CDC16: variants seen among roughly 807,000 people sequenced by gnomAD.
CDC16 encodes the protein cell division cycle 16.
CDC16 carries 34 observed loss-of-function variants against 87.0 expected under a neutral mutation model. The observed-to-expected ratio is 0.39, with a 90% CI of 0.30 to 0.52. The LOEUF (loss-of-function observed/expected upper bound fraction) is 0.52, where lower values mean the gene tolerates loss of function less well. Ranked by LOEUF, CDC16 falls within the 20% of genes least tolerant of loss-of-function variation. CDC16 has a pLI of 0.74. For synonymous variants in CDC16, 263 were observed against 260.6 expected (o/e 1.01, Z -0.09); for missense variants, 653 against 751.9 (o/e 0.87, Z 1.54).
chr13:114,245,359 C>T (rs940872302), intron 9 of CDC16, among the ~76,000 whole-genome samples: 3 of 147,796 alleles, frequency 2.0e-5, no homozygotes, highest in African/African-American at 5.0e-5. Context: ...ATTGTTTGCT[C>T]ATGTTTTCCG....
At chr13:114,253,749 C>G (rs1228001638) in intron 12 of CDC16, among the ~76,000 whole-genome samples, 1 of 150,876 alleles carries the variant, frequency 6.6e-6, no homozygotes, top group Non-Finnish European at 1.5e-5. Flanking sequence ...ATAGATTGTT[C>G]CAGATTATTT....
chr13:114,265,386 T>C, intron 17 of CDC16, 146 bp downstream of exon 17: 1 of 602,838 alleles, frequency 1.7e-6, no homozygotes, highest in East Asian at 2.9e-5. Context: ...AAACTCCATT[T>C]ATTTTATTAG....
intron 17 of CDC16, among the ~76,000 whole-genome samples, chr13:114,266,391 G>T (rs1282452418): frequency 6.6e-6 from 1 of 152,170 alleles, no homozygotes; most frequent in East Asian, 1.9e-4. Flanking sequence ...CTAGCCAACT[G>T]AGAAGAAAAA....
chr13:114,249,247 G>A (rs1328044755), intron 11 of CDC16, among the ~76,000 whole-genome samples: 1 of 151,896 alleles, frequency 6.6e-6, no homozygotes, highest in African/African-American at 2.4e-5. Flanking sequence ...GCGCACTTAC[G>A]AGAACCTAAT....
intron 9 of CDC16, 134 bp from the exon 10 acceptor site, chr13:114,245,866 T>A: frequency 1.6e-6 from 1 of 620,970 alleles, no homozygotes; most frequent in Non-Finnish European, 2.8e-6. Flanking sequence ...TAATTTTTTA[T>A]CTAGAAGGAA....
At chr13:114,271,651 A>AT (rs879291610) in intron 17 of CDC16, among the ~76,000 whole-genome samples, 1,531 of 143,748 alleles carry the variant, frequency 0.011, 18 homozygotes, top group African/African-American at 0.034. Flanking sequence ...ATTTTTTTGT[A>AT]TTTTTTTTTT....
rs753546403 is a variant in CDC16, at chr13:114,246,969, C to T, written c.936C>T (p.Val312=). Residue 312 remains valine, a synonymous_variant, in exon 11 of 18, where the codon GTC becomes GTT. Transcript: ENST00000356221. ...CAGTGGGATGTTACTATCTCATGGT[C>T]GGTCATAAAAATGAACATGCCAGAA... The part of the protein sequence containing the change: ...WFAVGCYYLM[V]GHKNEHARRY... 50 of 1,612,564 alleles carry T rather than the reference C, an allele frequency of 3.1e-5. No individual in the cohort carries two copies. Among genetic ancestry groups the T allele is most frequent in the Non-Finnish European group, 3.9e-5 (46 of 1,178,934 alleles).
At position 114,272,222 on chromosome 13, in the gene CDC16, G is replaced by A. The variant is rs745565945; in HGVS notation, c.1642G>A (p.Asp548Asn). ...IKDKLKCYDFDVHTMKTLKNI... is the reference protein window; with the variant it reads ...IKDKLKCYDFNVHTMKTLKNI... ...AGACAAATTAAAATGTTATGACTTT[G>A]ATGTGCATACAATGAAGACACTAAA... is the stretch of plus-strand genomic sequence containing the variant. The change falls in exon 18 of 18, where the codon GAT (aspartate) becomes AAT (asparagine). Residue 548 changes from aspartate to asparagine, a missense_variant. Physicochemically the swap from Asp to Asn is conservative, Grantham distance 23. Coordinates refer to ENST00000356221, the MANE Select transcript of CDC16 (RefSeq NM_001078645.3). The A allele has an allele frequency of 3.1e-6, 5 of 1,587,732 alleles. No individual in the cohort carries two copies. In the East Asian group the frequency reaches 1.1e-4, roughly 35 times the overall value.
At chr13:114,260,445 C>G (rs958500557) in intron 14 of CDC16, among the ~76,000 whole-genome samples, 1 of 152,194 alleles carries the variant, frequency 6.6e-6, no homozygotes, top group African/African-American at 2.4e-5. Context: ...TCAGCAGCAT[C>G]AGCATCACCT....
At chr13:114,250,035 A>G (rs924899131) in intron 11 of CDC16, among the ~76,000 whole-genome samples, 2 of 152,176 alleles carry the variant, frequency 1.3e-5, no homozygotes, top group African/African-American at 2.4e-5. Context: ...TTCAAGAATA[A>G]ATACTAGCTG....
At chr13:114,247,147 T>G (rs2081917522) in intron 11 of CDC16, 143 bp downstream of exon 11, 1 of 612,820 alleles carries the variant, frequency 1.6e-6, no homozygotes. Flanking sequence ...TTTCTTTCTC[T>G]CTTTCTTTCT....
At chr13:114,241,780 G>T (rs535254522) in intron 5 of CDC16, among the ~76,000 whole-genome samples, 1 of 152,310 alleles carries the variant, frequency 6.6e-6, no homozygotes, top group Non-Finnish European at 1.5e-5. Flanking sequence ...GCCAGGCATG[G>T]TTGCTCATGC....
intron 16 of CDC16, 99 bp downstream of exon 16, chr13:114,263,113 A>G: frequency 9.3e-7 from 1 of 1,078,038 alleles, no homozygotes; most frequent in Non-Finnish European, 1.4e-6. Flanking sequence ...TACTATTTTA[A>G]TATTCTTTAG....
At chr13:114,252,721 A>G (rs1262015390) in intron 12 of CDC16, among the ~76,000 whole-genome samples, 1 of 152,200 alleles carries the variant, frequency 6.6e-6, no homozygotes, top group African/African-American at 2.4e-5. Context: ...TTTATTTGAT[A>G]TTTTGGGTTC....
At chr13:114,253,238 T>G (rs891454004) in intron 12 of CDC16, among the ~76,000 whole-genome samples, 1 of 152,234 alleles carries the variant, frequency 6.6e-6, no homozygotes, top group African/African-American at 2.4e-5. Context: ...TACGTGTCCT[T>G]TATGATTTCT....
chr13:114,268,499 C>T (rs1220139414), intron 17 of CDC16, among the ~76,000 whole-genome samples: 1 of 152,088 alleles, frequency 6.6e-6, no homozygotes, highest in Non-Finnish European at 1.5e-5. Context: ...GTTGGTTACA[C>T]CCTATGCAAA....
intron 13 of CDC16, among the ~76,000 whole-genome samples, chr13:114,259,020 A>G (rs2082675997): frequency 6.6e-6 from 1 of 150,708 alleles, no homozygotes; most frequent in Admixed American, 6.7e-5. Flanking sequence ...AATCACTTAA[A>G]CCCGGGAGGC....
chr13:114,270,759 T>C (rs2083566899), intron 17 of CDC16, among the ~76,000 whole-genome samples: 1 of 152,194 alleles, frequency 6.6e-6, no homozygotes. Flanking sequence ...AAGCCTCAGC[T>C]CTGCCCCTCG....
intron 3 of CDC16, among the ~76,000 whole-genome samples, chr13:114,237,785 C>G (rs1252084633): frequency 6.6e-6 from 1 of 152,190 alleles, no homozygotes; most frequent in Non-Finnish European, 1.5e-5. Flanking sequence ...GTTACAGCCT[C>G]TCTTCTTGTC....
Sources: gnomAD v4.1 joint callset for allele counts (sites outside exome capture counted in the v4.1 genomes callset) on GRCh38, gnomAD v4.1.1 for gene constraint, MANE v1.5 for transcripts, NCBI Gene and HGNC (gene_info 2026-07-23, HGNC 2026-07-21) for gene names.